CALY: variants seen among roughly 807,000 people sequenced by gnomAD.
The protein encoded by CALY is neuron-specific vesicular protein calcyon.
A neutral mutation model predicts 20.2 loss-of-function variants in CALY; 15 were observed. The ratio of observed to expected loss-of-function variants is 0.74; its 90% CI spans 0.50 to 1.14. The LOEUF (loss-of-function observed/expected upper bound fraction) is 1.14, where lower values mean the gene tolerates loss of function less well. Among genes scored for constraint, CALY ranks in the 50% most tolerant of loss-of-function variants. The pLI is 0.00. For missense variants in CALY, 270 were observed against 304.4 expected (o/e 0.89, Z 0.84); for synonymous variants, 129 against 131.8 (o/e 0.98, Z 0.15).
intron 1 of CALY, among the ~76,000 whole-genome samples, chr10:133,332,303 C>T (rs1848323095): frequency 6.6e-6 from 1 of 152,170 alleles, no homozygotes; most frequent in Non-Finnish European, 1.5e-5. Flanking sequence ...AAACCGCTGT[C>T]CACATCAAGA....
At chr10:133,329,631 T>C (rs1042195519) in intron 1 of CALY, among the ~76,000 whole-genome samples, 2 of 151,902 alleles carry the variant, frequency 1.3e-5, no homozygotes, top group African/African-American at 4.8e-5. Context: ...CTAGGCCTCC[T>C]ACAGTGCTGG....
At chr10:133,329,119 G>A in intron 1 of CALY, 110 bp from the exon 2 acceptor site, 1 of 933,244 alleles carries the variant, frequency 1.1e-6, no homozygotes, top group Admixed American at 2.8e-5. Flanking sequence ...CCTCACACCA[G>A]AGCCAGGGAC....
Position 133,325,899 on chromosome 10 carries a change from C to G in CALY, c.582G>C (p.Lys194Asn), listed in dbSNP as rs1848196947. The G allele has an allele frequency of 7.8e-7, 1 of 1,286,258 alleles. No homozygotes were observed. Among genetic ancestry groups the G allele is most frequent in the African/African-American group, 1.5e-5 (1 of 64,780 alleles). 79.7% of individuals were successfully genotyped at this position (1,286,258 alleles called of 1,614,324 possible). Residue 194 changes from lysine to asparagine, a missense_variant, in exon 5 of 6, where the codon AAG becomes AAC. By Grantham distance (94) the Lys-to-Asn change is moderately conservative. Coordinates refer to ENST00000252939, the MANE Select transcript of CALY (RefSeq NM_015722.4). ...AAAAATEPPG[K>N]PSAKAEKEAA... is the part of the protein sequence containing the mutation. Reference sequence around the variant, plus strand: ...CCTCCTTCTCCGCCTTGGCCGACGGCTTCCCGGGGGGTTCGGTGGCCGCCG... The same window carrying G: ...CCTCCTTCTCCGCCTTGGCCGACGGGTTCCCGGGGGGTTCGGTGGCCGCCG...
intron 1 of CALY, among the ~76,000 whole-genome samples, chr10:133,329,825 G>C (rs998235974): frequency 6.6e-6 from 1 of 151,554 alleles, no homozygotes; most frequent in Non-Finnish European, 1.5e-5. Context: ...CGCAATACGC[G>C]GTATGGGACG....
At position 133,328,004 on chromosome 10, in the gene CALY, C is replaced by T; in HGVS notation, c.147G>A (p.Lys49=). 6.2e-7 allele frequency: 1 copy of T among 1,608,006 alleles called. No homozygotes were observed. Among genetic ancestry groups the T allele is most frequent in the Non-Finnish European group, 8.5e-7 (1 of 1,176,132 alleles). Residue 49 remains lysine (K), a synonymous_variant, in exon 3 of 6, where the codon AAG becomes AAA. Transcript: ENST00000252939. ...AGGACAGCTGGTATTCTGTCTGTGT[C>T]TTGATGACCACCTGTGAAAAGAGAT... ...QPPLPDQVVI[K]TQTEYQLSSP... is the part of the protein sequence containing the mutation.
intron 1 of CALY, among the ~76,000 whole-genome samples, chr10:133,333,068 T>C (rs1379744860): frequency 6.6e-6 from 1 of 151,792 alleles, no homozygotes; most frequent in Non-Finnish European, 1.5e-5. Context: ...GTGACCAGTC[T>C]TTCTCGCCCT....
chr10:133,324,664 TG>T lies in CALY; in HGVS notation c.*930del, dbSNP rs1422295651. 3 of 347,476 alleles carry T rather than the reference TG, an allele frequency of 8.6e-6. No individual in the cohort carries two copies. Among genetic ancestry groups the T allele is most frequent in the Middle Eastern group, 8.4e-4 (1 of 1,188 alleles). 21.5% of individuals were successfully genotyped at this position (347,476 alleles called of 1,614,324 possible). ...GCGGGGCTGCAGAGCTGCTGCTGGC[TG>T]GGGTGGTGCAGGTGGTGGGTGAGAT... On this transcript the variant is annotated 3_prime_UTR_variant, in exon 6 of 6. Coordinates refer to ENST00000252939, the MANE Select transcript of CALY (RefSeq NM_015722.4).
At position 133,330,998 on chromosome 10, in the gene CALY, G is replaced by T. The variant is rs543429632; in HGVS notation, c.-20-1989C>A. ...GGGTGTATTCTGGAAATGAAGTTTG[G>T]CTTAACATTTGACAAGCAATCATAT... is the stretch of plus-strand genomic sequence containing the variant. On this transcript the variant is annotated intron_variant, in intron 1 of 5. Transcript: ENST00000252939. Among the ~76,000 whole-genome samples the T allele has an allele frequency of 7.1e-4, 108 of 152,314 alleles. 1 individual carries two copies. In the South Asian group the frequency reaches 0.022, roughly 30 times the overall value.
At chr10:133,334,802 G>C (rs1486491307) in intron 1 of CALY, among the ~76,000 whole-genome samples, 1 of 152,034 alleles carries the variant, frequency 6.6e-6, no homozygotes, top group Non-Finnish European at 1.5e-5. Flanking sequence ...TCCTGGACCT[G>C]GCCACGCGCT....
At chr10:133,335,633 C>T (rs1848427386) in intron 1 of CALY, among the ~76,000 whole-genome samples, 1 of 152,208 alleles carries the variant, frequency 6.6e-6, no homozygotes, top group Admixed American at 6.5e-5. Context: ...AACCCCCCCA[C>T]CCCACACACC....
intron 1 of CALY, among the ~76,000 whole-genome samples, chr10:133,329,662 G>T (rs1564786906): frequency 6.6e-6 from 1 of 152,014 alleles, no homozygotes; most frequent in African/African-American, 2.4e-5. Context: ...ATGAACCACC[G>T]CGCCTGACTC....
intron 1 of CALY, among the ~76,000 whole-genome samples, chr10:133,336,181 G>A (rs1187789853): frequency 6.6e-6 from 1 of 152,166 alleles, no homozygotes; most frequent in Non-Finnish European, 1.5e-5. Flanking sequence ...TTATTAAAAG[G>A]CAGCTGCACT....
chr10:133,327,038 T>G (rs1192450472), intron 3 of CALY, 47 bp from the exon 4 acceptor site: 3 of 1,356,848 alleles, frequency 2.2e-6, no homozygotes, highest in Non-Finnish European at 3.1e-6. Flanking sequence ...GCAGGGGCGG[T>G]CTTTGTGGGG....
At chr10:133,334,719 G>A (rs373235715) in intron 1 of CALY, among the ~76,000 whole-genome samples, 57 of 152,094 alleles carry the variant, frequency 3.7e-4, no homozygotes, top group South Asian at 8.3e-4. Flanking sequence ...GCCGGTGAAC[G>A]AGGGCTGGGT....
In CALY at chr10:133,327,082, C is replaced by T. The variant is rs538856748; in HGVS notation, c.247-91G>A. The T allele has an allele frequency of 2.1e-4, 183 of 859,098 alleles. 3 individuals carry two copies. The South Asian group carries it at 2.6e-3, about 12-fold the overall frequency. 53.2% of individuals were successfully genotyped at this position (859,098 alleles called of 1,614,324 possible). A position where few individuals can be genotyped will look rare whatever the true frequency, so the allele number is the denominator to read the frequency against. ...AGGGGCTGGGCTGGCACAGGACCAT[C>T]CCCGCCCTCCAGTCTTGATGCCCCA... On this transcript the variant is annotated intron_variant, in intron 3 of 5. Transcript: ENST00000252939.
chr10:133,325,495 A>C lies in CALY; in HGVS notation c.*100T>G. On this transcript the variant is annotated 3_prime_UTR_variant, in exon 6 of 6. Transcript: ENST00000252939. ...GACCCACGGGGGCGGGGCTGCAGCG[A>C]GGGCGCCTGGGGACACGAACACGGC... is the stretch of plus-strand genomic sequence containing the variant. 4.9e-6 allele frequency: 1 copy of C among 203,526 alleles called. No homozygotes were observed. The highest frequency in any genetic ancestry group is 9.8e-6 in the Non-Finnish European group (1 of 102,026). 12.6% of individuals were successfully genotyped at this position (203,526 alleles called of 1,614,324 possible).
chr10:133,335,631 C>T (rs1296670893), intron 1 of CALY, among the ~76,000 whole-genome samples: 1 of 152,228 alleles, frequency 6.6e-6, no homozygotes, highest in Non-Finnish European at 1.5e-5. Flanking sequence ...CCAACCCCCC[C>T]ACCCCACACA....
chr10:133,326,085 G>A lies in CALY; in HGVS notation c.396C>T (p.Tyr132=), dbSNP rs537965895. 4 of 1,600,622 alleles carry A rather than the reference G, an allele frequency of 2.5e-6. No individual in the cohort carries two copies. In the Admixed American group the frequency reaches 6.7e-5, roughly 27 times the overall value. Residue 132 remains tyrosine (Y), a synonymous_variant, in exon 5 of 6, where the codon TAC becomes TAT. Transcript: ENST00000252939. The part of the protein sequence containing the change: ...KICTPLTLEM[Y]YTEMDPERHR... Reference sequence around the variant, plus strand: ...GGCGCTCGGGGTCCATCTCCGTGTAGTACATCTCCAGGGTCAGCGGCGTGC... The same window carrying A: ...GGCGCTCGGGGTCCATCTCCGTGTAATACATCTCCAGGGTCAGCGGCGTGC...
chr10:133,328,044 T>C (rs1848243348), intron 2 of CALY, 29 bp from the exon 3 acceptor site: 1 of 1,431,198 alleles, frequency 7.0e-7, no homozygotes, highest in Non-Finnish European at 9.8e-7. Flanking sequence ...ATGGCCTCAG[T>C]AGGCAGCTGG....
Sources: allele counts gnomAD v4.1 joint callset (sites outside exome capture counted in the v4.1 genomes callset), GRCh38; gene constraint gnomAD v4.1.1; transcripts MANE v1.5; gene names NCBI Gene and HGNC (gene_info 2026-07-23, HGNC 2026-07-21).